GSG1L2: variants seen among roughly 807,000 people sequenced by gnomAD.
GSG1L2 encodes GSG1 like 2.
A neutral mutation model predicts 9.0 loss-of-function variants in GSG1L2; 15 were observed. The ratio of observed to expected loss-of-function variants is 1.67; its 90% CI spans 1.12 to 2.57. The LOEUF is 2.57. Among genes scored for constraint, GSG1L2 ranks in the 30% most tolerant of loss-of-function variants. GSG1L2 has a pLI of 0.00. For missense variants in GSG1L2, 286 were observed against 150.3 expected (o/e 1.90, Z -4.72); for synonymous variants, 127 against 57.9 (o/e 2.19, Z -5.41).
intron 1 of GSG1L2, among the ~76,000 whole-genome samples, chr17:9,819,296 G>A (rs115893030): frequency 3.2e-3 from 483 of 152,254 alleles, no homozygotes; most frequent in African/African-American, 0.011. Flanking sequence ...ATATATTATT[G>A]GCTTACTGAT....
At position 9,802,422 on chromosome 17, in the gene GSG1L2, G is replaced by A; in HGVS notation, c.846C>T (p.Leu282=). The change falls in exon 5 of 5, where the codon CTC becomes CTT. Residue 282 remains leucine, a synonymous_variant. Coordinates refer to ENST00000399363, the MANE Select transcript of GSG1L2 (RefSeq NM_001310219.2). ...ACACCTTGCCTGGGGCGCCTGGTGG[G>A]AGGTGTCCAGAAACATTCCTGAAGG... ...EQAFRNVSGH[L]PPGAPGKVSI... 1.4e-6 allele frequency: 1 copy of A among 690,690 alleles called. No homozygotes were observed. Among genetic ancestry groups the A allele is most frequent in the South Asian group, 1.5e-5 (1 of 66,466 alleles). 42.8% of individuals were successfully genotyped at this position (690,690 alleles called of 1,614,324 possible).
chr17:9,808,133 T>C (rs1177125121), intron 3 of GSG1L2, among the ~76,000 whole-genome samples: 1 of 152,202 alleles, frequency 6.6e-6, no homozygotes, highest in East Asian at 1.9e-4. Flanking sequence ...AACAATGATG[T>C]ACAAATTGGC....
At chr17:9,821,644 G>C in intron 1 of GSG1L2, 118 bp downstream of exon 1, 1 of 643,436 alleles carries the variant, frequency 1.6e-6, no homozygotes, top group Non-Finnish European at 2.8e-6. Flanking sequence ...CAGAGCCCCT[G>C]CATCATCCCG....
chr17:9,813,560 A>C (rs1346208308), intron 1 of GSG1L2, among the ~76,000 whole-genome samples: 1 of 152,222 alleles, frequency 6.6e-6, no homozygotes, highest in Non-Finnish European at 1.5e-5. Context: ...TCACGGTCAC[A>C]GAGGAAACAA....
At chr17:9,816,910 CTGTGTGTGTGTG>C (rs56337214) in intron 1 of GSG1L2, among the ~76,000 whole-genome samples, 1 of 94,448 alleles carries the variant, frequency 1.1e-5, no homozygotes, top group African/African-American at 4.1e-5. Context: ...GTGTGTGTAT[CTGTGTGTGTGTG>C]TGTGTGTGTG....
In GSG1L2 at chr17:9,801,211, CTTTT is replaced by C. The variant is rs1222981593; in HGVS notation, c.*1171_*1174del. ...TTTGCAGTCCCTTTCTTTTCTTTTT[CTTTT>C]TCTTTTTTTTGAGACAGGGTCTCAC... On this transcript the variant is annotated 3_prime_UTR_variant, in exon 5 of 5. Coordinates refer to ENST00000399363, the MANE Select transcript of GSG1L2 (RefSeq NM_001310219.2). Among the ~76,000 whole-genome samples the C allele has an allele frequency of 6.6e-6, 1 of 151,668 alleles. No individual in the cohort carries two copies. The highest frequency in any genetic ancestry group is 2.4e-5 in the African/African-American group (1 of 41,278).
chr17:9,816,735 ATG>A (rs76425342), intron 1 of GSG1L2, among the ~76,000 whole-genome samples: 5 of 122,932 alleles, frequency 4.1e-5, no homozygotes, highest in African/African-American at 1.0e-4. Context: ...CTGTGTGTGC[ATG>A]TGTGTATCTG....
chr17:9,812,383 T>C (rs552198273), intron 1 of GSG1L2, among the ~76,000 whole-genome samples: 4 of 152,272 alleles, frequency 2.6e-5, no homozygotes, highest in South Asian at 2.1e-4. Flanking sequence ...AGCTTTTATG[T>C]CCTCTCTCCA....
chr17:9,803,598 C>T (rs1361542591), intron 4 of GSG1L2, among the ~76,000 whole-genome samples: 1 of 152,134 alleles, frequency 6.6e-6, no homozygotes, highest in Non-Finnish European at 1.5e-5. Context: ...GGACAAAGAA[C>T]AACCTAGAGA....
intron 2 of GSG1L2, 34 bp from the exon 3 acceptor site, chr17:9,809,016 A>C (rs973938833): frequency 2.9e-6 from 2 of 701,550 alleles, no homozygotes; most frequent in African/African-American, 1.7e-5. Context: ...AACGCTGGAC[A>C]CTTCTAATTC....
intron 1 of GSG1L2, chr17:9,811,017 T>C (rs1240138103): frequency 5.2e-6 from 1 of 192,714 alleles, no homozygotes; most frequent in East Asian, 1.3e-4. Context: ...CAGAATGAGC[T>C]AAAAATAAAT....
At chr17:9,819,742 C>T (rs1474111541) in intron 1 of GSG1L2, among the ~76,000 whole-genome samples, 1 of 152,064 alleles carries the variant, frequency 6.6e-6, no homozygotes, top group Admixed American at 6.5e-5. Flanking sequence ...AGGCGATTCT[C>T]CTGCCTCAGC....
At position 9,809,091 on chromosome 17, in the gene GSG1L2, A is replaced by G. The variant is rs948286892; in HGVS notation, c.359-109T>C. 9.4e-6 allele frequency: 6 copies of G among 639,270 alleles called. No homozygotes were observed. The African/African-American group carries it at 1.1e-4, about 12-fold the overall frequency. 39.6% of individuals were successfully genotyped at this position (639,270 alleles called of 1,614,324 possible). ...TCTAAACAAAACATGAAAAACAGAC[A>G]CGCTGGAGTGAAAATCACAGATGCC... is the stretch of plus-strand genomic sequence containing the variant. On this transcript the variant is annotated intron_variant, in intron 2 of 4. Coordinates refer to ENST00000399363, the MANE Select transcript of GSG1L2 (RefSeq NM_001310219.2).
In GSG1L2 at chr17:9,807,482, C is replaced by G. The variant is rs368606861; in HGVS notation, c.623+8G>C. The G allele has an allele frequency of 4.3e-6, 3 of 702,778 alleles. No homozygotes were observed. The highest frequency in any genetic ancestry group is 2.7e-5 in the East Asian group (1 of 37,264). The allele number at this position is 702,778 out of a possible 1,614,324, so 43.5% of individuals were successfully genotyped here. On this transcript the variant is annotated splice_region_variant and intron_variant, in intron 4 of 4. Coordinates refer to ENST00000399363, the MANE Select transcript of GSG1L2 (RefSeq NM_001310219.2). ...CCAGGACTTCAGCACCATGACCAAGCAACTTACCAATATGACCAGCCATAG... is the reference window on the plus strand; with the variant it reads ...CCAGGACTTCAGCACCATGACCAAGGAACTTACCAATATGACCAGCCATAG...
At position 9,820,329 on chromosome 17, in the gene GSG1L2, T is replaced by C. The variant is rs2066584114; in HGVS notation, c.310+1433A>G. ...GATGGAATTTCCCAAGTGATTTGCCTATAAGTATGGTGAATACAGTTTCCA... is the reference window on the plus strand; with the variant it reads ...GATGGAATTTCCCAAGTGATTTGCCCATAAGTATGGTGAATACAGTTTCCA... On this transcript the variant is annotated intron_variant, in intron 1 of 4. Transcript: ENST00000399363. The surrounding 1 kb of genome is among the most constrained non-coding windows in gnomAD (Gnocchi z 4.9). Among the ~76,000 whole-genome samples the C allele has an allele frequency of 6.6e-6, 1 of 152,186 alleles. No homozygotes were observed. Among genetic ancestry groups the C allele is most frequent in the South Asian group, 2.1e-4 (1 of 4,824 alleles).
chr17:9,819,095 AG>A lies in GSG1L2; in HGVS notation c.310+2666del, dbSNP rs555133133. Among the ~76,000 whole-genome samples, 467 of 152,280 alleles carry A rather than the reference AG, an allele frequency of 3.1e-3. 4 individuals carry two copies. The highest frequency in any genetic ancestry group is 0.011 in the African/African-American group (448 of 41,562). ...GACTCTAGCGTCTGTCATAATCACC[AG>A]GGGGGCTTATTAGAAACATGAGTAA... On this transcript the variant is annotated intron_variant, in intron 1 of 4. Transcript: ENST00000399363.
At chr17:9,810,646 A>T in intron 1 of GSG1L2, 28 bp from the exon 2 acceptor site, 1 of 703,000 alleles carries the variant, frequency 1.4e-6, no homozygotes, top group Non-Finnish European at 2.6e-6. Context: ...TGCATCCAGA[A>T]GTGGGTTACA....
rs777244899 is a variant in GSG1L2 at position 9,802,260 on chromosome 17, G to T, written c.*126C>A. 2.1e-5 allele frequency: 12 copies of T among 569,520 alleles called. No individual in the cohort carries two copies. Among genetic ancestry groups the T allele is most frequent in the African/African-American group, 3.7e-5 (2 of 53,578 alleles). 35.3% of individuals were successfully genotyped at this position (569,520 alleles called of 1,614,324 possible). A position where few individuals can be genotyped will look rare whatever the true frequency, so the allele number is the denominator to read the frequency against. ...TGTTTAGTAAAAGGTGAGATGTGGA[G>T]GGGTGGGGATGGAAGCTTTCCCTGG... On this transcript the variant is annotated 3_prime_UTR_variant, in exon 5 of 5. Coordinates refer to ENST00000399363, the MANE Select transcript of GSG1L2 (RefSeq NM_001310219.2).
At chr17:9,816,704 CGTGTCTGTGTGTATCT>C (rs2066565734) in intron 1 of GSG1L2, among the ~76,000 whole-genome samples, 1 of 121,338 alleles carries the variant, frequency 8.2e-6, no homozygotes, top group African/African-American at 3.3e-5. Context: ...TGTGTGCATG[CGTGTCTGTGTGTATCT>C]GTGTCTGTGT....
Sources: allele counts gnomAD v4.1 joint callset (sites outside exome capture counted in the v4.1 genomes callset), GRCh38; gene constraint gnomAD v4.1.1; non-coding constraint Gnocchi (gnomAD v3.1); transcripts MANE v1.5; gene names NCBI Gene and HGNC (gene_info 2026-07-23, HGNC 2026-07-21).